The following ERICH3 variants were observed in gnomAD, a reference collection of about 807,000 sequenced individuals.
The protein encoded by ERICH3 is glutamate rich 3.
A neutral mutation model predicts 131.1 loss-of-function variants in ERICH3; 126 were observed. The observed-to-expected ratio is 0.96, with a 90% CI of 0.83 to 1.11. The LOEUF is 1.11. Ranked by LOEUF, ERICH3 falls within the 50% of genes most tolerant of loss-of-function variation. The probability of loss-of-function intolerance (pLI) is 0.00; values close to 1 mark genes in which losing one functional copy is unlikely to be tolerated. For synonymous variants in ERICH3, 695 were observed against 644.6 expected (o/e 1.08, Z -1.18); for missense variants, 2,050 against 1,810.7 (o/e 1.13, Z -2.40).
intron 1 of ERICH3, among the ~76,000 whole-genome samples, chr1:74,652,229 A>G (rs550510328): frequency 6.6e-5 from 10 of 152,264 alleles, no homozygotes; most frequent in South Asian, 2.1e-4. Flanking sequence ...TAAATTATAT[A>G]CAGATTTGGT....
At chr1:74,601,290 C>A (rs1648117334) in intron 10 of ERICH3, among the ~76,000 whole-genome samples, 1 of 151,698 alleles carries the variant, frequency 6.6e-6, no homozygotes, top group Admixed American at 6.6e-5. Flanking sequence ...TGTTAACTAT[C>A]AATCAATAAG....
At chr1:74,644,874 A>T (rs1646467871) in intron 3 of ERICH3, among the ~76,000 whole-genome samples, 1 of 151,820 alleles carries the variant, frequency 6.6e-6, no homozygotes, top group African/African-American at 2.4e-5. Context: ...CATCACCTAC[A>T]CCCCAAACTT....
At chr1:74,627,754 G>C (rs1378453776) in intron 7 of ERICH3, among the ~76,000 whole-genome samples, 3 of 151,788 alleles carry the variant, frequency 2.0e-5, no homozygotes, top group Non-Finnish European at 2.9e-5. Context: ...AAAATTCTTT[G>C]GAGATTTACA....
At chr1:74,613,449 T>C (rs1648800355) in intron 8 of ERICH3, among the ~76,000 whole-genome samples, 1 of 152,200 alleles carries the variant, frequency 6.6e-6, no homozygotes, top group South Asian at 2.1e-4. Context: ...AACATCTCTG[T>C]AGATTCCATG....
intron 11 of ERICH3, among the ~76,000 whole-genome samples, chr1:74,594,631 T>C (rs528460518): frequency 1.2e-3 from 176 of 152,230 alleles, no homozygotes; most frequent in African/African-American, 3.9e-3. Context: ...CCACCTCCGT[T>C]CGCATGAGGG....
rs368456654 is a variant in ERICH3, at chr1:74,576,965, A to T, written c.2177-29T>A. On this transcript the variant is annotated intron_variant, in intron 12 of 14. Transcript: ENST00000326665. ...GTTAAAAAAAAAAAAAAGAAAAAAA[A>T]GGTCAAATGAATCACTGTGAAATGT... 47 of 1,569,512 alleles carry T rather than the reference A, an allele frequency of 3.0e-5. No individual in the cohort carries two copies. In the African/African-American group the frequency reaches 5.4e-4, roughly 18 times the overall value.
intron 1 of ERICH3, among the ~76,000 whole-genome samples, chr1:74,658,034 A>T (rs758439544): frequency 6.6e-6 from 1 of 152,246 alleles, no homozygotes; most frequent in Non-Finnish European, 1.5e-5. Flanking sequence ...TAGAGTAAAC[A>T]CTCTGTATAA....
chr1:74,600,027 CTT>C, intron 10 of ERICH3, 96 bp from the exon 11 acceptor site: 2 of 821,000 alleles, frequency 2.4e-6, no homozygotes, highest in Non-Finnish European at 3.8e-6. Flanking sequence ...ATTATCCTCT[CTT>C]CTCTGAGCCT....
In ERICH3 at chr1:74,572,012, A is replaced by T; in HGVS notation, c.3698T>A (p.Leu1233Gln). 1 of 1,614,082 alleles carries T rather than the reference A, an allele frequency of 6.2e-7. No homozygotes were observed. The highest frequency in any genetic ancestry group is 1.1e-5 in the South Asian group (1 of 91,080). The change falls in exon 14 of 15, where the codon CTG becomes CAG. Residue 1233 changes from leucine (L) to glutamine (Q), a missense_variant. By Grantham distance (113) the Leu-to-Gln change is moderately radical. Transcript: ENST00000326665. ...CTCTGCCTGGCCTGTGGCTGGGATC[A>T]GCCCCTCAGGGGCCTGCACCTTTCC... ...PAGKVQAPEG[L>Q]IPATGQAEEL...
intron 1 of ERICH3, among the ~76,000 whole-genome samples, chr1:74,657,319 G>A (rs1646594383): frequency 6.6e-6 from 1 of 152,070 alleles, no homozygotes; most frequent in African/African-American, 2.4e-5. Flanking sequence ...AGGCAGAAAA[G>A]TATATCCTTT....
intron 1 of ERICH3, among the ~76,000 whole-genome samples, chr1:74,668,555 C>T (rs1357961277): frequency 6.6e-6 from 1 of 152,124 alleles, no homozygotes; most frequent in Non-Finnish European, 1.5e-5. Context: ...TGTCTGATCA[C>T]TATGTGATTT....
Position 74,589,998 on chromosome 1 carries a change from C to CCCCA in ERICH3, c.1808_1809insTGGG (p.Arg603SerfsTer7). The CCCCA allele has an allele frequency of 6.2e-7, 1 of 1,613,830 alleles. No homozygotes were observed. Among genetic ancestry groups the CCCCA allele is most frequent in the South Asian group, 1.1e-5 (1 of 91,082 alleles). ...CTGTGCTGCTGTCAGTGTGGGCTTCCCTGTCCCCCACTGCAGATTCATCCT... is the reference window on the plus strand; with the variant it reads ...CTGTGCTGCTGTCAGTGTGGGCTTCCCCCACTGTCCCCCACTGCAGATTCATCCT... On this transcript the variant is annotated frameshift_variant, in exon 12 of 15. Transcript: ENST00000326665. LOFTEE classifies it high-confidence loss of function.
At chr1:74,653,402 T>C (rs1201063079) in intron 1 of ERICH3, among the ~76,000 whole-genome samples, 3 of 151,288 alleles carry the variant, frequency 2.0e-5, no homozygotes, top group Non-Finnish European at 4.4e-5. Flanking sequence ...TGGGTATGTA[T>C]GTGAGAGAGA....
chr1:74,633,218 G>A (rs543987892), intron 6 of ERICH3, among the ~76,000 whole-genome samples: 1 of 151,856 alleles, frequency 6.6e-6, no homozygotes, highest in Admixed American at 6.6e-5. Context: ...TAAATGAAGG[G>A]CATGGATAGC....
chr1:74,611,220 C>T (rs1203655273), intron 9 of ERICH3, among the ~76,000 whole-genome samples: 1 of 152,088 alleles, frequency 6.6e-6, no homozygotes, highest in African/African-American at 2.4e-5. Context: ...CGACCAAAAC[C>T]ACTTCATTCC....
chr1:74,664,445 A>G (rs991489580), intron 1 of ERICH3, among the ~76,000 whole-genome samples: 4 of 152,184 alleles, frequency 2.6e-5, no homozygotes, highest in African/African-American at 9.6e-5. Flanking sequence ...ATCTTGGAGC[A>G]AGCAATGAAG....
chr1:74,640,350 T>A (rs1646427346), intron 5 of ERICH3, among the ~76,000 whole-genome samples: 1 of 152,168 alleles, frequency 6.6e-6, no homozygotes, highest in African/African-American at 2.4e-5. Context: ...AAAGGAAAGA[T>A]GGTTGCTTTT....
At chr1:74,639,405 T>C (rs1305284640) in intron 5 of ERICH3, among the ~76,000 whole-genome samples, 1 of 152,218 alleles carries the variant, frequency 6.6e-6, no homozygotes, top group African/African-American at 2.4e-5. Context: ...TACATTTATC[T>C]CTAAAAGCAA....
intron 7 of ERICH3, among the ~76,000 whole-genome samples, chr1:74,628,588 T>C (rs1649490958): frequency 6.6e-6 from 1 of 151,654 alleles, no homozygotes; most frequent in Admixed American, 6.6e-5. Context: ...AGGTTACAAG[T>C]AGTTAAGTTT....
Sources: gnomAD v4.1 joint callset for allele counts (sites outside exome capture counted in the v4.1 genomes callset) on GRCh38, gnomAD v4.1.1 for gene constraint, MANE v1.5 for transcripts, NCBI Gene and HGNC (gene_info 2026-07-23, HGNC 2026-07-21) for gene names.